The following RERE variants were observed in gnomAD, a reference collection of about 807,000 sequenced individuals.
The protein encoded by RERE is arginine-glutamic acid dipeptide repeats protein.
RERE carries 40 observed loss-of-function variants against 146.1 expected under a neutral mutation model. The ratio of observed to expected loss-of-function variants is 0.27; its 90% CI spans 0.21 to 0.36. The LOEUF (loss-of-function observed/expected upper bound fraction) is 0.36. Ranked by LOEUF, RERE falls within the 10% of genes least tolerant of loss-of-function variation. RERE has a pLI of 1.00. For synonymous variants in RERE, 1,003 were observed against 866.0 expected, an observed-to-expected ratio of 1.16 and a Z score of -2.78; for missense variants, 1,933 against 2,138.7, an observed-to-expected ratio of 0.90 and a Z score of 1.90.
chr1:8,787,192 C>T (rs151317295), intron 1 of RERE, among the ~76,000 whole-genome samples: 2 of 152,344 alleles, frequency 1.3e-5, no homozygotes, highest in South Asian at 2.1e-4. Context: ...CAGGCTTCCA[C>T]CTCGGGATTT....
intron 4 of RERE, among the ~76,000 whole-genome samples, chr1:8,611,736 C>T (rs569516591): frequency 6.6e-6 from 1 of 152,300 alleles, no homozygotes; most frequent in Admixed American, 6.5e-5. Flanking sequence ...GAGCCACACC[C>T]TTGACAATGG....
rs183519227 is a variant in RERE, at chr1:8,503,228, G to C, written c.879+5399C>G. On this transcript the variant is annotated intron_variant, in intron 8 of 22. Coordinates refer to ENST00000400908, the MANE Select transcript of RERE (RefSeq NM_001042681.2). ...CATACTGACATAAAGCCAAATGTTTGACAACACATAAAGCCACGAAAAAAA... is the reference window on the plus strand; with the variant it reads ...CATACTGACATAAAGCCAAATGTTTCACAACACATAAAGCCACGAAAAAAA... 9.9e-5 allele frequency among the ~76,000 whole-genome samples: 15 copies of C among 152,156 alleles called. 1 individual carries two copies. Among genetic ancestry groups the C allele is most frequent in the Admixed American group, 6.5e-4 (10 of 15,270 alleles).
In RERE at chr1:8,360,759, C is replaced by T. The variant is rs746530339; in HGVS notation, c.2748G>A (p.Gln916=). Residue 916 remains glutamine (Q), a synonymous_variant, in exon 18 of 23, where the codon CAG becomes CAA. Coordinates refer to ENST00000400908, the MANE Select transcript of RERE (RefSeq NM_001042681.2). ...ALQSQQPPRE[Q]PLPPAPLAMP... Reference sequence around the variant, plus strand: ...TGGCCAAGGGCGCTGGTGGCAGGGGCTGCTCCCGTGGAGGCTGTTGGGACT... The same window carrying T: ...TGGCCAAGGGCGCTGGTGGCAGGGGTTGCTCCCGTGGAGGCTGTTGGGACT... 8 of 1,599,796 alleles carry T rather than the reference C, an allele frequency of 5.0e-6. No individual in the cohort carries two copies. The highest frequency in any genetic ancestry group is 6.8e-6 in the Non-Finnish European group (8 of 1,176,824).
At chr1:8,689,273 T>C (rs1245864230) in intron 1 of RERE, among the ~76,000 whole-genome samples, 1 of 152,182 alleles carries the variant, frequency 6.6e-6, no homozygotes, top group Non-Finnish European at 1.5e-5. Flanking sequence ...TTTTCTTCTT[T>C]AGTTGACTAA....
At chr1:8,521,700 G>C (rs1312856298) in intron 7 of RERE, among the ~76,000 whole-genome samples, 1 of 152,122 alleles carries the variant, frequency 6.6e-6, no homozygotes, top group East Asian at 1.9e-4. Context: ...AGGAGGGAAG[G>C]AACCTGTCGA....
intron 1 of RERE, among the ~76,000 whole-genome samples, chr1:8,809,546 T>C (rs1476746773): frequency 6.6e-6 from 1 of 152,212 alleles, no homozygotes; most frequent in East Asian, 1.9e-4. Flanking sequence ...AGATGGACCA[T>C]ATTTCAATGA....
intron 6 of RERE, among the ~76,000 whole-genome samples, chr1:8,545,987 T>TTTTTTTC (rs1645856204): frequency 8.3e-6 from 1 of 120,484 alleles, no homozygotes; most frequent in Non-Finnish European, 1.6e-5. Flanking sequence ...CCAGTCTTTT[T>TTTTTTTC]TTTTTTTTTT....
At position 8,359,760 on chromosome 1, in the gene RERE, TCA is replaced by T; in HGVS notation, c.3618+2_3618+3del. 1.3e-6 allele frequency: 2 copies of T among 1,599,422 alleles called. No individual in the cohort carries two copies. Among genetic ancestry groups the T allele is most frequent in the South Asian group, 1.1e-5 (1 of 90,934 alleles). On this transcript the variant is annotated splice_donor_variant and splice_donor_region_variant and intron_variant, in intron 19 of 22. Coordinates refer to ENST00000400908, the MANE Select transcript of RERE (RefSeq NM_001042681.2). LOFTEE classifies it high-confidence loss of function. ...CCGTCACACCTCGCCAACCCTGGAC[TCA>T]CAGCCGCCCGCTCTGCCTCGCGCTC...
chr1:8,813,801 G>A (rs1001534981), intron 1 of RERE, among the ~76,000 whole-genome samples: 4 of 151,974 alleles, frequency 2.6e-5, no homozygotes, highest in Non-Finnish European at 5.9e-5. Flanking sequence ...TTTTAGTAGA[G>A]ACGAGGTTTC....
intron 1 of RERE, among the ~76,000 whole-genome samples, chr1:8,726,676 C>T (rs1296361056): frequency 6.6e-6 from 1 of 152,180 alleles, no homozygotes; most frequent in African/African-American, 2.4e-5. Context: ...CCAGGAGAAG[C>T]ATGAACATGT....
chr1:8,720,332 C>G (rs1569628773), intron 1 of RERE, among the ~76,000 whole-genome samples: 1 of 152,046 alleles, frequency 6.6e-6, no homozygotes, highest in African/African-American at 2.4e-5. Context: ...AAAGACACTC[C>G]TGACCTCAAG....
intron 4 of RERE, among the ~76,000 whole-genome samples, chr1:8,610,709 T>G (rs1646783388): frequency 6.6e-6 from 1 of 152,156 alleles, no homozygotes; most frequent in African/African-American, 2.4e-5. Context: ...GCTAAGAAAT[T>G]TAATGAATTA....
At chr1:8,667,728 A>T (rs531806398) in intron 1 of RERE, among the ~76,000 whole-genome samples, 33 of 152,348 alleles carry the variant, frequency 2.2e-4, no homozygotes, top group East Asian at 1.3e-3. Context: ...TCATACAAAT[A>T]ACTGCTTTCA....
At chr1:8,580,701 G>A (rs1333400863) in intron 4 of RERE, among the ~76,000 whole-genome samples, 1 of 151,942 alleles carries the variant, frequency 6.6e-6, no homozygotes, top group East Asian at 1.9e-4. Context: ...AGAAAACCTC[G>A]ATCTAGCTAG....
chr1:8,675,221 G>GT (rs998636658), intron 1 of RERE, among the ~76,000 whole-genome samples: 13 of 152,088 alleles, frequency 8.5e-5, no homozygotes, highest in Middle Eastern at 3.4e-3. Context: ...AAATTACAGT[G>GT]TTTTTTTAAA....
At chr1:8,543,112 T>C (rs1645818752) in intron 6 of RERE, among the ~76,000 whole-genome samples, 1 of 152,188 alleles carries the variant, frequency 6.6e-6, no homozygotes, top group Non-Finnish European at 1.5e-5. Context: ...CTATTAGAAG[T>C]GCTATAGTAT....
At chr1:8,377,778 A>C (rs1466706090) in intron 12 of RERE, among the ~76,000 whole-genome samples, 1 of 152,182 alleles carries the variant, frequency 6.6e-6, no homozygotes, top group Non-Finnish European at 1.5e-5. Context: ...CGGGAGCGGG[A>C]CGAACGATGA....
intron 1 of RERE, among the ~76,000 whole-genome samples, chr1:8,691,580 G>C (rs1639207945): frequency 6.6e-6 from 1 of 152,124 alleles, no homozygotes. Context: ...GGCTTCAAAG[G>C]CTACATAAAC....
rs948639705 is a variant in RERE at position 8,570,695 on chromosome 1, C to A, written c.523-13172G>T. ...TATGAAAACAGTTCAACCCTACAGA[C>A]CCCTGGACCATAGTTAAGAATGGCT... is the stretch of plus-strand genomic sequence containing the variant. On this transcript the variant is annotated intron_variant, in intron 4 of 22. Transcript: ENST00000400908. Among the ~76,000 whole-genome samples, 3 of 152,156 alleles carry A rather than the reference C, an allele frequency of 2.0e-5. No individual in the cohort carries two copies. The East Asian group carries it at 5.8e-4, about 29-fold the overall frequency.
Sources: allele counts gnomAD v4.1 joint callset (sites outside exome capture counted in the v4.1 genomes callset), GRCh38; gene constraint gnomAD v4.1.1; transcripts MANE v1.5; gene names NCBI Gene and HGNC (gene_info 2026-07-23, HGNC 2026-07-21).